ZNF804A: variants seen among roughly 807,000 people sequenced by gnomAD.
The protein encoded by ZNF804A is zinc finger protein 804A.
ZNF804A carries 2 observed loss-of-function variants against 16.5 expected under a neutral mutation model. The observed-to-expected ratio is 0.12, with a 90% CI of 0.05 to 0.38. The LOEUF (loss-of-function observed/expected upper bound fraction) is 0.38. ZNF804A is among the 10% of genes least tolerant of loss of function. ZNF804A has a pLI of 0.99. For missense variants in ZNF804A, 1,473 were observed against 1,390.7 expected, an observed-to-expected ratio of 1.06 and a Z score of -0.94; for synonymous variants, 534 against 489.6, an observed-to-expected ratio of 1.09 and a Z score of -1.20.
intron 1 of ZNF804A, among the ~76,000 whole-genome samples, chr2:184,667,665 GAATT>G (rs1559121604): frequency 6.6e-6 from 1 of 151,680 alleles, no homozygotes; most frequent in African/African-American, 2.4e-5. Flanking sequence ...AAATGTATAC[GAATT>G]AAGTTTCTTT....
chr2:184,729,689 C>T (rs2105746707), intron 1 of ZNF804A, among the ~76,000 whole-genome samples: 1 of 152,136 alleles, frequency 6.6e-6, no homozygotes, highest in Middle Eastern at 3.4e-3. Flanking sequence ...CTGTAGAAAT[C>T]ATTTTGTTAC....
At chr2:184,868,853 T>C (rs1454705020) in intron 2 of ZNF804A, among the ~76,000 whole-genome samples, 1 of 152,034 alleles carries the variant, frequency 6.6e-6, no homozygotes, top group Non-Finnish European at 1.5e-5. Context: ...CTAATGCTTG[T>C]TAATACCTGC....
intron 1 of ZNF804A, among the ~76,000 whole-genome samples, chr2:184,838,419 A>C (rs907603447): frequency 6.6e-6 from 1 of 152,092 alleles, no homozygotes; most frequent in Admixed American, 6.6e-5. Flanking sequence ...ATGAGAAGTG[A>C]GATCCTTAGA....
Position 184,921,532 on chromosome 2 carries a change from GGC to G in ZNF804A, c.256-12070_256-12069del, listed in dbSNP as rs142530820. Among the ~76,000 whole-genome samples the G allele has an allele frequency of 8.3e-4, 126 of 152,070 alleles. No individual in the cohort carries two copies. The East Asian group carries it at 0.022, about 27-fold the overall frequency. On this transcript the variant is annotated intron_variant, in intron 2 of 3. Coordinates refer to ENST00000302277, the MANE Select transcript of ZNF804A (RefSeq NM_194250.2). ...ATACGTAGTAGGTATATATATTTAT[GGC>G]TCACATAAGATATTTTGACACAGGC...
At chr2:184,689,316 T>C (rs1692692814) in intron 1 of ZNF804A, among the ~76,000 whole-genome samples, 1 of 152,246 alleles carries the variant, frequency 6.6e-6, no homozygotes, top group East Asian at 1.9e-4. Context: ...GTAACACTGA[T>C]GAAAAATTGC....
intron 1 of ZNF804A, among the ~76,000 whole-genome samples, chr2:184,814,788 G>T (rs374520883): frequency 6.6e-6 from 1 of 151,972 alleles, no homozygotes; most frequent in South Asian, 2.1e-4. Context: ...TGAGATCTCC[G>T]TCACCTGGGT....
chr2:184,721,291 T>A (rs895511935), intron 1 of ZNF804A, among the ~76,000 whole-genome samples: 7 of 151,992 alleles, frequency 4.6e-5, no homozygotes, highest in Non-Finnish European at 7.4e-5. Flanking sequence ...AAGAAAGCAA[T>A]CAACAGAGTG....
chr2:184,742,794 CTA>C (rs1693729372), intron 1 of ZNF804A, among the ~76,000 whole-genome samples: 1 of 151,338 alleles, frequency 6.6e-6, no homozygotes, highest in Admixed American at 6.6e-5. Context: ...ATGTATATAA[CTA>C]TATGTGTGTG....
At chr2:184,837,267 T>C (rs1359008964) in intron 1 of ZNF804A, among the ~76,000 whole-genome samples, 2 of 152,094 alleles carry the variant, frequency 1.3e-5, no homozygotes, top group African/African-American at 4.8e-5. Context: ...GGTATAGTGA[T>C]TGGTAAACAG....
chr2:184,859,026 G>A (rs114897218), intron 1 of ZNF804A, among the ~76,000 whole-genome samples: 289 of 152,200 alleles, frequency 1.9e-3, no homozygotes, highest in African/African-American at 6.6e-3. Context: ...TATGTTGCTC[G>A]TTTTATTGGC....
chr2:184,848,844 G>C (rs993783925), intron 1 of ZNF804A, among the ~76,000 whole-genome samples: 2 of 151,972 alleles, frequency 1.3e-5, no homozygotes, highest in African/African-American at 4.8e-5. Context: ...TTAAATTCTA[G>C]AAAACATAGC....
At chr2:184,672,786 G>A (rs1440600874) in intron 1 of ZNF804A, among the ~76,000 whole-genome samples, 4 of 151,592 alleles carry the variant, frequency 2.6e-5, no homozygotes, top group Non-Finnish European at 5.9e-5. Context: ...TTGTCACCCA[G>A]GCTGGAGTGC....
intron 1 of ZNF804A, among the ~76,000 whole-genome samples, chr2:184,817,565 T>C (rs995973608): frequency 6.6e-6 from 1 of 152,010 alleles, no homozygotes; most frequent in East Asian, 1.9e-4. Flanking sequence ...GATGGCTGAA[T>C]TGACAGAAGG....
rs547651000 is a variant in ZNF804A at position 184,728,019 on chromosome 2, G to C, written c.111+128949G>C. Among the ~76,000 whole-genome samples the C allele has an allele frequency of 2.6e-5, 4 of 151,816 alleles. No homozygotes were observed. The South Asian group carries it at 6.2e-4, about 24-fold the overall frequency. ...TATTAACTGTGGATAACCAGATGCA[G>C]TAACAGGAAGTAATCAACATATAGC... On this transcript the variant is annotated intron_variant, in intron 1 of 3. Coordinates refer to ENST00000302277, the MANE Select transcript of ZNF804A (RefSeq NM_194250.2).
chr2:184,911,726 A>C (rs1387777578), intron 2 of ZNF804A, among the ~76,000 whole-genome samples: 2 of 151,156 alleles, frequency 1.3e-5, no homozygotes, highest in Non-Finnish European at 3.0e-5. Context: ...TTTTGTGACT[A>C]TTGTAAATGG....
At chr2:184,805,193 C>G (rs1274419415) in intron 1 of ZNF804A, among the ~76,000 whole-genome samples, 2 of 152,104 alleles carry the variant, frequency 1.3e-5, no homozygotes, top group Admixed American at 1.3e-4. Flanking sequence ...TTAACAGGGT[C>G]TATCATATTA....
chr2:184,616,903 A>G (rs1381603779), intron 1 of ZNF804A, among the ~76,000 whole-genome samples: 3 of 152,072 alleles, frequency 2.0e-5, no homozygotes, highest in Non-Finnish European at 4.4e-5. Flanking sequence ...AGGCTAAAAT[A>G]CATGTGGTTT....
chr2:184,600,577 G>T (rs1691029308), intron 1 of ZNF804A, among the ~76,000 whole-genome samples: 1 of 152,126 alleles, frequency 6.6e-6, no homozygotes, highest in Non-Finnish European at 1.5e-5. Context: ...TCAGTCTGAA[G>T]AAAGTACACA....
At chr2:184,601,274 A>T (rs751819225) in intron 1 of ZNF804A, among the ~76,000 whole-genome samples, 7 of 152,104 alleles carry the variant, frequency 4.6e-5, no homozygotes, top group Non-Finnish European at 1.0e-4. Flanking sequence ...AACAGAAAAT[A>T]TTCTAGATCT....
Sources: gnomAD v4.1 joint callset for allele counts (sites outside exome capture counted in the v4.1 genomes callset) on GRCh38, gnomAD v4.1.1 for gene constraint, MANE v1.5 for transcripts, NCBI Gene and HGNC (gene_info 2026-07-23, HGNC 2026-07-21) for gene names.